TSPAN7: variants seen among roughly 807,000 people sequenced by gnomAD.
TSPAN7 encodes tetraspanin 7, also known as tetraspanin-7.
Under a neutral mutation model 17.6 loss-of-function variants are expected in TSPAN7, and 1 was observed. The ratio of observed to expected loss-of-function variants is 0.06; its 90% CI spans 0.02 to 0.27. TSPAN7 has a LOEUF of 0.27. TSPAN7 is among the 10% of genes least tolerant of loss of function. The pLI, the probability that TSPAN7 is intolerant of heterozygous loss-of-function variation, is 1.00. For missense variants in TSPAN7, 112 were observed against 201.7 expected, an observed-to-expected ratio of 0.56 and a Z score of 2.69; for synonymous variants, 78 against 79.0, an observed-to-expected ratio of 0.99 and a Z score of 0.07.
intron 1 of TSPAN7, among the ~76,000 whole-genome samples, chrX:38,578,953 G>A (rs1053371137): frequency 9.0e-6 from 1 of 110,629 alleles, no homozygotes; most frequent in Admixed American, 9.6e-5. Context: ...TAAATATATG[G>A]CAAGCCATTT....
At chrX:38,622,950 TA>T in intron 1 of TSPAN7, 1 of 331,629 alleles carries the variant, frequency 3.0e-6, no homozygotes, top group Non-Finnish European at 5.9e-6. Flanking sequence ...CTCATTTACA[TA>T]ACAAGTAATA....
chrX:38,648,991 T>C (rs1332558338), intron 1 of TSPAN7, among the ~76,000 whole-genome samples: 1 of 111,558 alleles, frequency 9.0e-6, no homozygotes, highest in Non-Finnish European at 1.9e-5. Flanking sequence ...GTCCCTGGTG[T>C]AATCCCAAAT....
At chrX:38,645,291 T>C in intron 1 of TSPAN7, among the ~76,000 whole-genome samples, 1 of 112,474 alleles carries the variant, frequency 8.9e-6, no homozygotes, top group East Asian at 2.8e-4. Context: ...GATGGGTCTG[T>C]CCACCTTGAC....
intron 1 of TSPAN7, among the ~76,000 whole-genome samples, chrX:38,636,885 C>T (rs1043443614): frequency 9.9e-5 from 11 of 111,369 alleles, no homozygotes; most frequent in African/African-American, 3.3e-4. Flanking sequence ...GAACTCCTGA[C>T]CTCAGGTGAT....
At chrX:38,590,640 C>T (rs2069286060) in intron 1 of TSPAN7, among the ~76,000 whole-genome samples, 1 of 111,106 alleles carries the variant, frequency 9.0e-6, no homozygotes, top group Non-Finnish European at 1.9e-5. Flanking sequence ...TTTGAGGGAG[C>T]TGTGGTAGTT....
chrX:38,648,712 A>G (rs1029747329), intron 1 of TSPAN7, among the ~76,000 whole-genome samples: 4 of 111,641 alleles, frequency 3.6e-5, no homozygotes, highest in Admixed American at 1.9e-4. Flanking sequence ...TCAACCTCCC[A>G]AAGTGCTGGG....
intron 1 of TSPAN7, among the ~76,000 whole-genome samples, chrX:38,614,820 T>C (rs1240974090): frequency 1.8e-5 from 2 of 111,899 alleles, no homozygotes; most frequent in Admixed American, 1.9e-4. Flanking sequence ...ATGAAGGACT[T>C]ATTTTCTATA....
intron 1 of TSPAN7, among the ~76,000 whole-genome samples, chrX:38,619,246 T>C (rs146000222): frequency 0.025 from 2,772 of 110,738 alleles, 114 homozygotes; most frequent in African/African-American, 0.087. Flanking sequence ...AGGGCCCCCA[T>C]TGCATTGGAG....
chrX:38,679,017 G>T (rs762254257), intron 5 of TSPAN7, among the ~76,000 whole-genome samples: 1 of 111,870 alleles, frequency 8.9e-6, no homozygotes, highest in African/African-American at 3.2e-5. Flanking sequence ...ATACATTGAG[G>T]AACAAGGTTT....
At chrX:38,680,116 G>C (rs906749862) in intron 5 of TSPAN7, among the ~76,000 whole-genome samples, 1 of 111,234 alleles carries the variant, frequency 9.0e-6, no homozygotes, top group Admixed American at 9.5e-5. Context: ...ATGTACCCCT[G>C]AACTTAAAAA....
At chrX:38,643,275 T>C (rs1216561158) in intron 1 of TSPAN7, among the ~76,000 whole-genome samples, 4 of 109,815 alleles carry the variant, frequency 3.6e-5, no homozygotes, top group African/African-American at 1.3e-4. Flanking sequence ...ACAGTTGGGC[T>C]GTTTGTTCAA....
chrX:38,680,945 G>A (rs1026919165), intron 5 of TSPAN7, among the ~76,000 whole-genome samples: 3 of 111,875 alleles, frequency 2.7e-5, no homozygotes, highest in Non-Finnish European at 5.6e-5. Context: ...ATTTGGGGAG[G>A]TTCCAATGAA....
At chrX:38,606,643 C>T (rs193107771) in intron 1 of TSPAN7, among the ~76,000 whole-genome samples, 43 of 111,477 alleles carry the variant, frequency 3.9e-4, no homozygotes, top group African/African-American at 1.4e-3. Context: ...ACACCAGACA[C>T]CCACCCCCAA....
intron 1 of TSPAN7, among the ~76,000 whole-genome samples, chrX:38,623,599 G>A (rs777221907): frequency 1.9e-5 from 2 of 104,560 alleles, no homozygotes; most frequent in Non-Finnish European, 3.9e-5. Flanking sequence ...TACATTATTA[G>A]GTTGGTGCAA....
chrX:38,658,996 T>C (rs2069722368), intron 1 of TSPAN7, among the ~76,000 whole-genome samples: 1 of 70,891 alleles, frequency 1.4e-5, no homozygotes, highest in South Asian at 1.0e-3. Flanking sequence ...ATGTATTATC[T>C]TCCATACACA....
At chrX:38,578,198 A>AAGAT (rs1296250846) in intron 1 of TSPAN7, among the ~76,000 whole-genome samples, 3 of 111,725 alleles carry the variant, frequency 2.7e-5, no homozygotes, top group African/African-American at 9.8e-5. Flanking sequence ...TAAGAGGCAT[A>AAGAT]AGATAGTAAA....
At chrX:38,597,345 G>A (rs1267612990) in intron 1 of TSPAN7, among the ~76,000 whole-genome samples, 1 of 110,646 alleles carries the variant, frequency 9.0e-6, no homozygotes, top group African/African-American at 3.3e-5. Flanking sequence ...TTAGTGCTGT[G>A]TTTTTCCTGA....
At chrX:38,634,541 A>T (rs2069568830) in intron 1 of TSPAN7, among the ~76,000 whole-genome samples, 1 of 111,746 alleles carries the variant, frequency 8.9e-6, no homozygotes, top group Admixed American at 9.5e-5. Context: ...CACCCCACAG[A>T]TCTACATCCA....
intron 1 of TSPAN7, among the ~76,000 whole-genome samples, chrX:38,654,431 T>C (rs2069690974): frequency 8.9e-6 from 1 of 112,481 alleles, no homozygotes; most frequent in African/African-American, 3.2e-5. Flanking sequence ...ATTCCCATGC[T>C]TTCTCATTTA....
Sources: allele counts gnomAD v4.1 joint callset (sites outside exome capture counted in the v4.1 genomes callset), GRCh38; gene constraint gnomAD v4.1.1; transcripts MANE v1.5; gene names NCBI Gene and HGNC (gene_info 2026-07-23, HGNC 2026-07-21).